The following DMD variants were observed in gnomAD, a reference collection of about 807,000 sequenced individuals.
DMD encodes the protein mutant dystrophin.
Under a neutral mutation model 330.1 loss-of-function variants are expected in DMD, and 63 were observed. That is an observed-to-expected ratio of 0.19 (90% CI 0.16 to 0.24). The LOEUF is 0.24. Ranked by LOEUF, DMD falls within the 10% of genes least tolerant of loss-of-function variation. The pLI, the probability that DMD is intolerant of heterozygous loss-of-function variation, is 1.00. For synonymous variants in DMD, 1,223 were observed against 959.8 expected (o/e 1.27, Z -5.07); for missense variants, 3,344 against 2,684.1 (o/e 1.25, Z -5.43).
At chrX:32,644,663 C>T (rs181496672) in intron 10 of DMD, among the ~76,000 whole-genome samples, 8 of 110,597 alleles carry the variant, frequency 7.2e-5, no homozygotes, top group Non-Finnish European at 1.3e-4. Flanking sequence ...AAGTCTCCCA[C>T]TGAGAGAAGT....
At chrX:31,262,260 C>T (rs776982406) in intron 62 of DMD, among the ~76,000 whole-genome samples, 2 of 111,848 alleles carry the variant, frequency 1.8e-5, no homozygotes, top group African/African-American at 6.5e-5. Flanking sequence ...AAAAGCAAAT[C>T]TGTTATTAGT....
chrX:31,295,012 T>A (rs2054057114), intron 62 of DMD, among the ~76,000 whole-genome samples: 1 of 111,600 alleles, frequency 9.0e-6, no homozygotes, highest in Admixed American at 9.5e-5. Flanking sequence ...TATTTTTTCT[T>A]TTGAGATGGA....
At chrX:31,986,687 G>T (rs1157495576) in intron 44 of DMD, among the ~76,000 whole-genome samples, 1 of 112,286 alleles carries the variant, frequency 8.9e-6, no homozygotes, top group African/African-American at 3.2e-5. Flanking sequence ...TGGGATTACA[G>T]GCGTGAGCCA....
chrX:32,571,823 G>A (rs765729942), intron 15 of DMD, among the ~76,000 whole-genome samples: 10 of 111,240 alleles, frequency 9.0e-5, no homozygotes, highest in Non-Finnish European at 1.3e-4. Flanking sequence ...TCAAACTTCT[G>A]CCTCTTATCA....
chrX:32,151,412 G>T (rs1451198173), intron 44 of DMD: 1 of 111,352 alleles, frequency 9.0e-6, no homozygotes, highest in Non-Finnish European at 1.9e-5. Context: ...TTTGCCTCTG[G>T]AGGCAAAAGG....
chrX:32,838,648 T>TG (rs1339967495), intron 4 of DMD, among the ~76,000 whole-genome samples: 1 of 111,969 alleles, frequency 8.9e-6, no homozygotes, highest in Non-Finnish European at 1.9e-5. Context: ...AGTCTATCAC[T>TG]GATGGACATT....
chrX:31,218,781 C>T (rs1047599294), intron 64 of DMD, among the ~76,000 whole-genome samples: 2 of 111,600 alleles, frequency 1.8e-5, no homozygotes, highest in African/African-American at 6.5e-5. Flanking sequence ...CCTTGACTAT[C>T]TTATTGCTAG....
In DMD at chrX:32,860,396, G is replaced by A. The variant is rs963128902; in HGVS notation, c.94-10576C>T. On this transcript the variant is annotated intron_variant, in intron 2 of 78. Coordinates refer to ENST00000357033, the MANE Select transcript of DMD (RefSeq NM_004006.3). The stretch of plus-strand genomic sequence containing the variant: ...AGGACAAGCCATGGACATAACTGTC[G>A]CTAAGAAAGTCAAGATACTTCTGCA... Among the ~76,000 whole-genome samples, 7 of 111,736 alleles carry A rather than the reference G, an allele frequency of 6.3e-5. No homozygotes were observed. The East Asian group carries it at 8.5e-4, about 14-fold the overall frequency.
intron 1 of DMD, among the ~76,000 whole-genome samples, chrX:33,052,310 G>C (rs777638572): frequency 2.0e-3 from 219 of 111,596 alleles, no homozygotes; most frequent in Non-Finnish European, 3.2e-3. Flanking sequence ...ACATACAAAT[G>C]GCTGTTAATA....
chrX:32,467,147 G>A (rs771006246), intron 23 of DMD, among the ~76,000 whole-genome samples: 6 of 112,053 alleles, frequency 5.4e-5, no homozygotes, highest in Admixed American at 9.5e-5. Flanking sequence ...AAATGTTTTA[G>A]GTTTGCTTAG....
chrX:33,130,806 C>T (rs1185218726), intron 1 of DMD, among the ~76,000 whole-genome samples: 3 of 111,397 alleles, frequency 2.7e-5, no homozygotes, highest in Non-Finnish European at 5.6e-5. Context: ...CTGCCTCGGC[C>T]TCCCAAAGTG....
chrX:32,027,695 G>C (rs1472259166), intron 44 of DMD, among the ~76,000 whole-genome samples: 1 of 112,126 alleles, frequency 8.9e-6, no homozygotes, highest in Non-Finnish European at 1.9e-5. Flanking sequence ...TATGTCATTT[G>C]AAATACAGAA....
intron 1 of DMD, among the ~76,000 whole-genome samples, chrX:33,177,016 A>G (rs148307245): frequency 2.1e-3 from 233 of 112,288 alleles, no homozygotes; most frequent in African/African-American, 7.2e-3. Flanking sequence ...GGAAAACAAA[A>G]CAAGAATGCG....
intron 2 of DMD, among the ~76,000 whole-genome samples, chrX:32,893,545 C>G (rs1391350478): frequency 8.9e-6 from 1 of 112,152 alleles, no homozygotes; most frequent in Non-Finnish European, 1.9e-5. Flanking sequence ...TTTGTCTTAT[C>G]AAAGCCATTA....
At chrX:32,566,941 CTG>C (rs1255611871) in intron 15 of DMD, among the ~76,000 whole-genome samples, 1 of 112,048 alleles carries the variant, frequency 8.9e-6, no homozygotes, top group Non-Finnish European at 1.9e-5. Flanking sequence ...ATCGCGATAC[CTG>C]TCTTTCCGAA....
chrX:32,422,538 A>G (rs755302237), intron 29 of DMD, among the ~76,000 whole-genome samples: 52 of 111,902 alleles, frequency 4.6e-4, no homozygotes, highest in Non-Finnish European at 8.3e-4. Flanking sequence ...GTAGAGTGCT[A>G]TGAAATTGGT....
At chrX:32,439,549 T>C (rs776868053) in intron 28 of DMD, among the ~76,000 whole-genome samples, 1 of 111,651 alleles carries the variant, frequency 9.0e-6, no homozygotes, top group African/African-American at 3.2e-5. Flanking sequence ...TAACAAAGTA[T>C]ATACCTTGTT....
chrX:32,968,892 G>A (rs1270203509), intron 2 of DMD, among the ~76,000 whole-genome samples: 1 of 106,716 alleles, frequency 9.4e-6, no homozygotes, highest in Non-Finnish European at 1.9e-5. Context: ...AGCCAGGCGT[G>A]GTGGTGGGTG....
intron 4 of DMD, among the ~76,000 whole-genome samples, chrX:32,839,497 A>G (rs921567719): frequency 1.8e-5 from 2 of 111,879 alleles, no homozygotes; most frequent in African/African-American, 6.5e-5. Flanking sequence ...CAATCAATCA[A>G]CTTATATACC....
Sources: gnomAD v4.1 joint callset for allele counts (sites outside exome capture counted in the v4.1 genomes callset) on GRCh38, gnomAD v4.1.1 for gene constraint, MANE v1.5 for transcripts, NCBI Gene and HGNC (gene_info 2026-07-23, HGNC 2026-07-21) for gene names.